GALNS: variants seen among roughly 807,000 people sequenced by gnomAD.
GALNS encodes the protein N-acetylgalactosamine-6-sulfatase.
GALNS carries 65 observed loss-of-function variants against 65.9 expected under a neutral mutation model. The observed-to-expected ratio is 0.99, with a 90% confidence interval of 0.81 to 1.21. The LOEUF (loss-of-function observed/expected upper bound fraction) is 1.21, where lower values mean the gene tolerates loss of function less well. Among genes scored for constraint, GALNS ranks in the 50% most tolerant of loss-of-function variants. The pLI is 0.00. For synonymous variants in GALNS, 346 were observed against 288.9 expected, an observed-to-expected ratio of 1.20 and a Z score of -2.00; for missense variants, 776 against 700.7, an observed-to-expected ratio of 1.11 and a Z score of -1.21.
chr16:88,833,697 G>A (rs1230266830), intron 8 of GALNS, among the ~76,000 whole-genome samples: 8 of 152,046 alleles, frequency 5.3e-5, no homozygotes, highest in African/African-American at 1.7e-4. Flanking sequence ...TGATCCACCC[G>A]CCTCAGCCTC....
chr16:88,815,321 G>C, intron 13 of GALNS: 1 of 985,458 alleles, frequency 1.0e-6, no homozygotes, highest in Non-Finnish European at 1.2e-6. Flanking sequence ...CCTCCCAGGA[G>C]GGCCCACCCT....
intron 1 of GALNS, among the ~76,000 whole-genome samples, chr16:88,851,065 C>G (rs1418808096): frequency 1.1e-5 from 1 of 94,452 alleles, no homozygotes; most frequent in Non-Finnish European, 2.7e-5. Flanking sequence ...CAGCTCTCAT[C>G]TGCTGACCCT....
At chr16:88,821,687 G>A (rs1026485727) in intron 12 of GALNS, among the ~76,000 whole-genome samples, 2 of 152,158 alleles carry the variant, frequency 1.3e-5, no homozygotes, top group East Asian at 1.9e-4. Context: ...TGCCACCCTC[G>A]GTCCTGTACT....
intron 10 of GALNS, 112 bp downstream of exon 10, chr16:88,826,590 G>T: frequency 7.6e-7 from 1 of 1,319,984 alleles, no homozygotes. Flanking sequence ...GCACGAGCAC[G>T]CCTGTGTCCA....
chr16:88,833,191 G>A (rs947769061), intron 8 of GALNS, among the ~76,000 whole-genome samples: 11 of 152,094 alleles, frequency 7.2e-5, no homozygotes, highest in African/African-American at 1.7e-4. Context: ...AACCCCGAGC[G>A]GCAGCGTGGG....
intron 9 of GALNS, among the ~76,000 whole-genome samples, chr16:88,828,983 G>A (rs7199237): frequency 1.0e-5 from 1 of 99,590 alleles, no homozygotes; most frequent in Non-Finnish European, 2.0e-5. Context: ...AGACCTACGC[G>A]GGTCCCGGGT....
intron 12 of GALNS, 82 bp downstream of exon 12, chr16:88,822,507 G>A (rs1910336388): frequency 1.3e-6 from 2 of 1,573,732 alleles, no homozygotes; most frequent in African/African-American, 2.7e-5. Flanking sequence ...AGGGTGCAGA[G>A]GGCTCTGTCC....
rs1330688940 is a variant in GALNS at position 88,824,651 on chromosome 16, G to A, written c.1242+116C>T. 15 of 809,646 alleles carry A rather than the reference G, an allele frequency of 1.9e-5. No individual in the cohort carries two copies. In the Admixed American group the frequency reaches 2.1e-4, roughly 12 times the overall value. The allele number at this position is 809,646 out of a possible 1,614,324, so 50.2% of individuals were successfully genotyped here. A position where few individuals can be genotyped will look rare whatever the true frequency, so the allele number is the denominator to read the frequency against. On this transcript the variant is annotated intron_variant, in intron 11 of 13. Coordinates refer to ENST00000268695, the MANE Select transcript of GALNS (RefSeq NM_000512.5). ...GGCCACACAGAGAAGGCTGTGGAGG[G>A]GGTGGAGTTCCTGCCTGTCTCACCC...
Position 88,842,808 on chromosome 16 carries a change from C to A in GALNS, c.142G>T (p.Val48Leu), listed in dbSNP as rs1377186614. 7 of 1,613,306 alleles carry A rather than the reference C, an allele frequency of 4.3e-6. No homozygotes were observed. The Admixed American group carries it at 1.2e-4, about 27-fold the overall frequency. Reference protein sequence around the residue: ...MDDMGWGDLGVYGEPSRETPN... With the variant: ...MDDMGWGDLGLYGEPSRETPN... ...GTCTCTCTGGAGGGCTCTCCATACA[C>A]CCCGAGGTCACCCCATCCCATCTGC... is the stretch of plus-strand genomic sequence containing the variant. The change falls in exon 2 of 14, where the codon GTG (valine) becomes TTG (leucine). Residue 48 changes from valine to leucine, a missense_variant. Val to Leu is a conservative substitution (Grantham distance 32). Coordinates refer to ENST00000268695, the MANE Select transcript of GALNS (RefSeq NM_000512.5).
chr16:88,827,489 C>G (rs1247490090), intron 9 of GALNS, among the ~76,000 whole-genome samples: 1 of 152,200 alleles, frequency 6.6e-6, no homozygotes, highest in Non-Finnish European at 1.5e-5. Context: ...TCTTGTCACC[C>G]AGGCTGGAGT....
chr16:88,846,236 T>A (rs144134051), intron 1 of GALNS, among the ~76,000 whole-genome samples: 40 of 152,162 alleles, frequency 2.6e-4, no homozygotes, highest in African/African-American at 8.7e-4. Context: ...AGAAACAGGG[T>A]TGCCGCAGAT....
At chr16:88,828,089 G>A (rs772966288) in intron 9 of GALNS, among the ~76,000 whole-genome samples, 1 of 152,248 alleles carries the variant, frequency 6.6e-6, no homozygotes, top group African/African-American at 2.4e-5. Context: ...AAAGCTCAGC[G>A]TTTGCCAGGA....
intron 1 of GALNS, chr16:88,845,522 G>A (rs1304960198): frequency 6.6e-6 from 1 of 152,180 alleles, no homozygotes; most frequent in Non-Finnish European, 1.5e-5. Flanking sequence ...GCCGAGGTAG[G>A]CGGATCACAA....
rs150861745 is a variant in GALNS, at chr16:88,855,102, C to T, written c.120+1656G>A. ...GCAATTCCCTATTTACCGGGAGCCA[C>T]ATTAGAAAAGCAGAAGTAGGTGAAA... is the stretch of plus-strand genomic sequence containing the variant. On this transcript the variant is annotated intron_variant, in intron 1 of 13. Transcript: ENST00000268695. 1,608 of 473,798 alleles carry T rather than the reference C, an allele frequency of 3.4e-3. 22 individuals are homozygous for T. The highest frequency in any genetic ancestry group is 0.029 in the African/African-American group (1,466 of 50,118). 29.3% of individuals were successfully genotyped at this position (473,798 alleles called of 1,614,324 possible).
At chr16:88,820,224 G>A (rs1399029452) in intron 12 of GALNS, among the ~76,000 whole-genome samples, 1 of 152,156 alleles carries the variant, frequency 6.6e-6, no homozygotes, top group Non-Finnish European at 1.5e-5. Flanking sequence ...CGCCTCCTGG[G>A]TTCAAGCAAT....
At chr16:88,850,835 G>A (rs574005264) in intron 1 of GALNS, among the ~76,000 whole-genome samples, 38 of 152,364 alleles carry the variant, frequency 2.5e-4, no homozygotes, top group African/African-American at 7.0e-4. Flanking sequence ...GGCATGTGCC[G>A]AGACTCTTTA....
intron 3 of GALNS, 69 bp downstream of exon 3, chr16:88,841,828 G>T: frequency 1.4e-6 from 2 of 1,399,450 alleles, no homozygotes; most frequent in Non-Finnish European, 2.0e-6. Context: ...GGAGACACGG[G>T]CACCACCCGT....
intron 9 of GALNS, among the ~76,000 whole-genome samples, chr16:88,831,221 G>A (rs1911471090): frequency 6.6e-6 from 1 of 151,990 alleles, no homozygotes; most frequent in Admixed American, 6.5e-5. Flanking sequence ...GAGCGGTGAG[G>A]CCGAGCACGG....
intron 12 of GALNS, among the ~76,000 whole-genome samples, chr16:88,820,783 C>A (rs1023648845): frequency 1.3e-5 from 2 of 152,206 alleles, no homozygotes; most frequent in Non-Finnish European, 2.9e-5. Context: ...GCCCAGTGGA[C>A]GCGAGGGGGC....
Sources: allele counts gnomAD v4.1 joint callset (sites outside exome capture counted in the v4.1 genomes callset), GRCh38; gene constraint gnomAD v4.1.1; transcripts MANE v1.5; gene names NCBI Gene and HGNC (gene_info 2026-07-23, HGNC 2026-07-21).